Variants in GOLPH3L observed in about 807,000 individuals in gnomAD.
GOLPH3L encodes Golgi phosphoprotein 3-like.
GOLPH3L carries 22 observed loss-of-function variants against 30.3 expected under a neutral mutation model. That is an observed-to-expected ratio of 0.73 (90% confidence interval 0.52 to 1.04). The LOEUF is 1.04. Ranked by LOEUF, GOLPH3L falls within the 50% of genes least tolerant of loss-of-function variation. The pLI, the probability that GOLPH3L is intolerant of heterozygous loss-of-function variation, is 0.00. For synonymous variants in GOLPH3L, 120 were observed against 128.2 expected, an observed-to-expected ratio of 0.94 and a Z score of 0.43; for missense variants, 303 against 345.8, an observed-to-expected ratio of 0.88 and a Z score of 0.98.
Position 150,671,339 on chromosome 1 carries a change from A to G in GOLPH3L, c.184-7576T>C, listed in dbSNP as rs770323079. Among the ~76,000 whole-genome samples, 150 of 149,810 alleles carry G rather than the reference A, an allele frequency of 1.0e-3. 5 individuals carry two copies. The highest frequency in any genetic ancestry group is 8.4e-4 in the South Asian group (4 of 4,764). On this transcript the variant is annotated intron_variant, in intron 2 of 4. Coordinates refer to ENST00000271732, the MANE Select transcript of GOLPH3L (RefSeq NM_018178.6). The stretch of plus-strand genomic sequence containing the variant: ...TGGGTCAAATATTACACATATTTAA[A>G]CTTTAAAGATTGCACAATGGGAATT...
intron 4 of GOLPH3L, 81 bp downstream of exon 4, chr1:150,661,733 T>C (rs1650371142): frequency 6.6e-6 from 5 of 762,528 alleles, no homozygotes; most frequent in South Asian, 1.4e-5. Flanking sequence ...ACGATGAATT[T>C]CGGTACATCT....
intron 2 of GOLPH3L, among the ~76,000 whole-genome samples, chr1:150,693,834 T>TATAC (rs1651271198): frequency 2.0e-5 from 2 of 102,460 alleles, no homozygotes; most frequent in African/African-American, 7.8e-5. Context: ...TATATATATA[T>TATAC]ATATATATAT....
intron 1 of GOLPH3L, among the ~76,000 whole-genome samples, chr1:150,696,734 T>C (rs1056643288): frequency 7.8e-6 from 1 of 129,016 alleles, no homozygotes; most frequent in Non-Finnish European, 1.5e-5. Flanking sequence ...TCTGGCACTG[T>C]GAATAGGGAC....
intron 2 of GOLPH3L, 23 bp downstream of exon 2, chr1:150,694,633 C>G: frequency 6.8e-7 from 1 of 1,462,306 alleles, no homozygotes; most frequent in Non-Finnish European, 9.4e-7. Context: ...TTTGAGATAG[C>G]CTAGCAAACC....
At chr1:150,667,147 C>A (rs906629613) in intron 2 of GOLPH3L, among the ~76,000 whole-genome samples, 1 of 152,176 alleles carries the variant, frequency 6.6e-6, no homozygotes, top group African/African-American at 2.4e-5. Flanking sequence ...AATCTCAAGA[C>A]TGATTTGGTA....
At chr1:150,681,745 T>C (rs745804558) in intron 2 of GOLPH3L, among the ~76,000 whole-genome samples, 3 of 152,212 alleles carry the variant, frequency 2.0e-5, no homozygotes, top group African/African-American at 7.2e-5. Context: ...CAAAATGATA[T>C]GTCTGATTAT....
At chr1:150,669,788 C>T (rs1650600053) in intron 2 of GOLPH3L, among the ~76,000 whole-genome samples, 1 of 151,962 alleles carries the variant, frequency 6.6e-6, no homozygotes, top group African/African-American at 2.4e-5. Flanking sequence ...ATGATGAAAC[C>T]CTGTCTCTAC....
intron 4 of GOLPH3L, among the ~76,000 whole-genome samples, chr1:150,655,896 T>C (rs983107976): frequency 2.6e-5 from 4 of 152,376 alleles, no homozygotes; most frequent in Admixed American, 6.5e-5. Context: ...TTAATAGTTA[T>C]AGATTTAAAA....
At chr1:150,657,591 T>A (rs1650268803) in intron 4 of GOLPH3L, among the ~76,000 whole-genome samples, 1 of 152,238 alleles carries the variant, frequency 6.6e-6, no homozygotes, top group South Asian at 2.1e-4. Flanking sequence ...CAGGAGAGTC[T>A]TCTGCCTGTG....
At chr1:150,684,216 A>G (rs1651031846) in intron 2 of GOLPH3L, among the ~76,000 whole-genome samples, 1 of 152,242 alleles carries the variant, frequency 6.6e-6, no homozygotes, top group Non-Finnish European at 1.5e-5. Flanking sequence ...CTGTGAGAAA[A>G]TTAATTTCTG....
Position 150,648,490 on chromosome 1 carries a change from T to C in GOLPH3L, c.689A>G (p.His230Arg), listed in dbSNP as rs925419589. ...KRTLALLVLA[H>R]SSDVLENVFS... Reference sequence around the variant, plus strand: ...GACATTCTCTAGCACATCAGAGGAGTGGGCTAGCACCAGGAGTGCTAGTGT... The same window carrying C: ...GACATTCTCTAGCACATCAGAGGAGCGGGCTAGCACCAGGAGTGCTAGTGT... The change falls in exon 5 of 5, where the codon CAC (histidine) becomes CGC (arginine). Residue 230 changes from histidine to arginine, a missense_variant. By Grantham distance (29) the His-to-Arg change is conservative. Transcript: ENST00000271732. The C allele has an allele frequency of 1.9e-6, 3 of 1,613,488 alleles. No individual in the cohort carries two copies. The African/African-American group carries it at 4.0e-5, about 22-fold the overall frequency.
At chr1:150,686,646 C>G (rs751838498) in intron 2 of GOLPH3L, among the ~76,000 whole-genome samples, 10 of 152,066 alleles carry the variant, frequency 6.6e-5, no homozygotes, top group Non-Finnish European at 1.3e-4. Flanking sequence ...ATTATACAAA[C>G]AAAATATGGA....
intron 2 of GOLPH3L, among the ~76,000 whole-genome samples, chr1:150,668,183 T>C (rs1189125714): frequency 6.6e-6 from 1 of 152,150 alleles, no homozygotes; most frequent in Non-Finnish European, 1.5e-5. Flanking sequence ...GGAGAGAATA[T>C]CCCTTATGCC....
intron 1 of GOLPH3L, among the ~76,000 whole-genome samples, 187 bp downstream of exon 1, chr1:150,696,805 G>A (rs587667919): frequency 7.1e-4 from 97 of 136,474 alleles, no homozygotes; most frequent in African/African-American, 2.2e-3. Context: ...GAGGGGGAGA[G>A]GGGGCGGTTT....
intron 1 of GOLPH3L, among the ~76,000 whole-genome samples, chr1:150,696,035 A>G (rs184954921): frequency 2.2e-4 from 34 of 152,330 alleles, no homozygotes; most frequent in Non-Finnish European, 4.0e-4. Flanking sequence ...AGTTTTTAAG[A>G]TAATATATAA....
At chr1:150,665,403 T>C (rs1444866571) in intron 2 of GOLPH3L, among the ~76,000 whole-genome samples, 1 of 152,026 alleles carries the variant, frequency 6.6e-6, no homozygotes, top group African/African-American at 2.4e-5. Flanking sequence ...CATAGCTCAC[T>C]GTAGACTTGA....
chr1:150,658,888 G>A (rs1004361056), intron 4 of GOLPH3L, among the ~76,000 whole-genome samples: 1 of 152,086 alleles, frequency 6.6e-6, no homozygotes, highest in African/African-American at 2.4e-5. Context: ...TCCAAATTTG[G>A]GAAAGAATAA....
intron 4 of GOLPH3L, among the ~76,000 whole-genome samples, chr1:150,649,393 C>G (rs1239205303): frequency 6.6e-6 from 1 of 152,110 alleles, no homozygotes; most frequent in Non-Finnish European, 1.5e-5. Flanking sequence ...CAAAGCTCTG[C>G]CTGAGAGGAC....
Position 150,659,969 on chromosome 1 carries a change from G to A in GOLPH3L, c.430+1845C>T, listed in dbSNP as rs587720297. On this transcript the variant is annotated intron_variant, in intron 4 of 4. Coordinates refer to ENST00000271732, the MANE Select transcript of GOLPH3L (RefSeq NM_018178.6). ...AGGATCCTTGAGCCCGGGAGATAGA[G>A]GTTGCAGTGAGCCGAGATTGCACCA... Among the ~76,000 whole-genome samples the A allele has an allele frequency of 3.3e-5, 5 of 152,150 alleles. No individual in the cohort carries two copies. The South Asian group carries it at 1.0e-3, about 32-fold the overall frequency.
Sources: allele counts gnomAD v4.1 joint callset (sites outside exome capture counted in the v4.1 genomes callset), GRCh38; gene constraint gnomAD v4.1.1; transcripts MANE v1.5; gene names NCBI Gene and HGNC (gene_info 2026-07-23, HGNC 2026-07-21).